The following PTPRD variants were observed in gnomAD, a reference collection of about 807,000 sequenced individuals.
PTPRD encodes the protein protein tyrosine phosphatase receptor type D, also known as receptor-type tyrosine-protein phosphatase delta.
In PTPRD, 34 loss-of-function variants were observed where a neutral mutation model predicts 214.5. The ratio of observed to expected loss-of-function variants is 0.16; its 90% CI spans 0.12 to 0.21. The LOEUF (loss-of-function observed/expected upper bound fraction) is 0.21, where lower values mean the gene tolerates loss of function less well. Among genes scored for constraint, PTPRD ranks in the 10% least tolerant of loss-of-function variants. PTPRD has a pLI of 1.00. For synonymous variants in PTPRD, 1,128 were observed against 845.7 expected (o/e 1.33, Z -5.79); for missense variants, 2,545 against 2,398.7 (o/e 1.06, Z -1.27).
intron 9 of PTPRD, among the ~76,000 whole-genome samples, chr9:9,309,251 T>A (rs1052732145): frequency 8.6e-5 from 13 of 151,696 alleles, no homozygotes; most frequent in African/African-American, 2.7e-4. Context: ...TGCTCTCCCC[T>A]ATCTCAAACT....
chr9:10,109,475 A>G (rs923250602), intron 3 of PTPRD, among the ~76,000 whole-genome samples: 1 of 152,202 alleles, frequency 6.6e-6, no homozygotes, highest in African/African-American at 2.4e-5. Context: ...CCTATCAGAT[A>G]CCTACTACTT....
chr9:9,713,201 T>C (rs759094394), intron 7 of PTPRD, among the ~76,000 whole-genome samples: 1 of 152,206 alleles, frequency 6.6e-6, no homozygotes, highest in Non-Finnish European at 1.5e-5. Flanking sequence ...ACAGAAAATG[T>C]GTATTAATAC....
intron 12 of PTPRD, among the ~76,000 whole-genome samples, chr9:8,698,382 G>A (rs1314534423): frequency 6.6e-6 from 1 of 152,180 alleles, no homozygotes; most frequent in Admixed American, 6.5e-5. Context: ...GGTGGCTGTA[G>A]GCATAGTTTT....
chr9:9,818,969 T>G (rs1275625814), intron 5 of PTPRD, among the ~76,000 whole-genome samples: 1 of 151,912 alleles, frequency 6.6e-6, no homozygotes, highest in Non-Finnish European at 1.5e-5. Flanking sequence ...ATTATTTTAT[T>G]GTAATAGCTG....
At chr9:8,508,134 TAAG>T (rs2097578983) in intron 21 of PTPRD, among the ~76,000 whole-genome samples, 1 of 152,176 alleles carries the variant, frequency 6.6e-6, no homozygotes, top group Non-Finnish European at 1.5e-5. Context: ...CTACAAAAAT[TAAG>T]AAGTTTATAG....
intron 12 of PTPRD, among the ~76,000 whole-genome samples, chr9:8,676,086 C>T (rs2097407447): frequency 6.6e-6 from 1 of 152,218 alleles, no homozygotes; most frequent in Non-Finnish European, 1.5e-5. Flanking sequence ...AAACTATCTC[C>T]AGGTCCCTGA....
intron 3 of PTPRD, among the ~76,000 whole-genome samples, chr9:10,256,942 A>G (rs1397446377): frequency 2.0e-5 from 3 of 152,074 alleles, no homozygotes; most frequent in African/African-American, 4.8e-5. Flanking sequence ...TTTCTTCATA[A>G]TGTTCAAATT....
intron 3 of PTPRD, among the ~76,000 whole-genome samples, chr9:10,252,231 G>A (rs2092839783): frequency 1.3e-5 from 2 of 152,020 alleles, no homozygotes; most frequent in South Asian, 4.2e-4. Context: ...AATACAGCAC[G>A]ATGGACATGA....
intron 8 of PTPRD, among the ~76,000 whole-genome samples, chr9:9,402,653 C>T (rs1308360628): frequency 1.3e-5 from 2 of 151,740 alleles, no homozygotes; most frequent in African/African-American, 4.8e-5. Context: ...TGAGATAATG[C>T]AATTCCAAAC....
intron 7 of PTPRD, among the ~76,000 whole-genome samples, chr9:9,651,422 G>A (rs1156852200): frequency 5.9e-5 from 9 of 151,984 alleles, no homozygotes; most frequent in African/African-American, 2.2e-4. Flanking sequence ...AAACCTTAGG[G>A]AGTGTTGTTC....
chr9:9,779,644 A>G (rs939602737), intron 5 of PTPRD, among the ~76,000 whole-genome samples: 1 of 152,208 alleles, frequency 6.6e-6, no homozygotes, highest in South Asian at 2.1e-4. Flanking sequence ...GCCAATCAAA[A>G]CCACAGTGAG....
intron 3 of PTPRD, among the ~76,000 whole-genome samples, chr9:10,055,867 G>A (rs931920976): frequency 2.0e-5 from 3 of 149,886 alleles, no homozygotes; most frequent in Non-Finnish European, 4.5e-5. Context: ...CATTATGTGT[G>A]TGTATATATA....
At chr9:8,898,601 G>A (rs2098639800) in intron 11 of PTPRD, among the ~76,000 whole-genome samples, 1 of 152,130 alleles carries the variant, frequency 6.6e-6, no homozygotes, top group South Asian at 2.1e-4. Context: ...GAGGTTGAGT[G>A]AGATTTTATA....
chr9:10,273,839 G>A (rs2094541426), intron 3 of PTPRD, among the ~76,000 whole-genome samples: 2 of 152,106 alleles, frequency 1.3e-5, no homozygotes, highest in Non-Finnish European at 2.9e-5. Context: ...ATATCTTGAT[G>A]TACTTTATTG....
chr9:9,067,227 T>A (rs1413624217), intron 10 of PTPRD, among the ~76,000 whole-genome samples: 1 of 152,184 alleles, frequency 6.6e-6, no homozygotes, highest in African/African-American at 2.4e-5. Context: ...TGAGACTCCG[T>A]CTCAAAAACA....
At chr9:10,483,060 A>G (rs1305203450) in intron 2 of PTPRD, among the ~76,000 whole-genome samples, 1 of 152,186 alleles carries the variant, frequency 6.6e-6, no homozygotes, top group Non-Finnish European at 1.5e-5. Context: ...TAGTAACCAA[A>G]CAGCATGGCA....
intron 7 of PTPRD, among the ~76,000 whole-genome samples, chr9:9,598,495 A>G (rs1210583763): frequency 3.9e-5 from 6 of 151,996 alleles, no homozygotes; most frequent in Admixed American, 3.9e-4. Context: ...ATAATTTAAA[A>G]ATAATAAAAA....
At chr9:9,890,820 G>A (rs755197004) in intron 5 of PTPRD, among the ~76,000 whole-genome samples, 8 of 152,038 alleles carry the variant, frequency 5.3e-5, no homozygotes, top group Non-Finnish European at 5.9e-5. Context: ...TGTCTCCAAT[G>A]ATGCCTCTTA....
rs2095867829 is a variant in PTPRD, at chr9:9,490,952, C to A, written c.-237+83780G>T. Among the ~76,000 whole-genome samples, 4 of 123,682 alleles carry A rather than the reference C, an allele frequency of 3.2e-5. No individual in the cohort carries two copies. The Admixed American group carries it at 3.6e-4, about 11-fold the overall frequency. 81.1% of individuals were successfully genotyped at this position (123,682 alleles called of 152,430 possible). ...AATATAAATGTACTGTCTAAATGAACTATAATGAACTAATATAAATATAAA... is the reference window on the plus strand; with the variant it reads ...AATATAAATGTACTGTCTAAATGAAATATAATGAACTAATATAAATATAAA... On this transcript the variant is annotated intron_variant, in intron 8 of 45. Coordinates refer to ENST00000381196, the MANE Select transcript of PTPRD (RefSeq NM_002839.4).
Sources: gnomAD v4.1 joint callset for allele counts (sites outside exome capture counted in the v4.1 genomes callset) on GRCh38, gnomAD v4.1.1 for gene constraint, MANE v1.5 for transcripts, NCBI Gene and HGNC (gene_info 2026-07-23, HGNC 2026-07-21) for gene names.